Variants in UTRN observed in about 807,000 individuals in gnomAD.
The protein encoded by UTRN is dystrophin-related protein 1.
Under a neutral mutation model 463.9 loss-of-function variants are expected in UTRN, and 283 were observed. The ratio of observed to expected loss-of-function variants is 0.61; its 90% confidence interval spans 0.55 to 0.67. The LOEUF is 0.67. UTRN is among the 30% of genes least tolerant of loss of function. The pLI is 0.00. For missense variants in UTRN, 3,922 were observed against 4,084.3 expected, an observed-to-expected ratio of 0.96 and a Z score of 1.08; for synonymous variants, 1,442 against 1,431.5, an observed-to-expected ratio of 1.01 and a Z score of -0.17.
intron 27 of UTRN, among the ~76,000 whole-genome samples, chr6:144,485,000 C>T (rs746147596): frequency 9.9e-5 from 15 of 151,938 alleles, no homozygotes; most frequent in African/African-American, 2.2e-4. Flanking sequence ...CCGCAACCTC[C>T]GCCTCCCGGG....
chr6:144,692,896 C>T (rs986207501), intron 52 of UTRN, among the ~76,000 whole-genome samples: 1 of 151,932 alleles, frequency 6.6e-6, no homozygotes, highest in African/African-American at 2.4e-5. Flanking sequence ...TTAATTAGAT[C>T]CCATTTATCA....
At chr6:144,413,680 C>T (rs1013476648) in intron 3 of UTRN, among the ~76,000 whole-genome samples, 6 of 152,170 alleles carry the variant, frequency 3.9e-5, no homozygotes, top group African/African-American at 1.4e-4. Context: ...GTAAACAAAC[C>T]TACTGTGCTT....
chr6:144,671,378 G>T (rs1010386044), intron 51 of UTRN, among the ~76,000 whole-genome samples: 4 of 151,816 alleles, frequency 2.6e-5, no homozygotes, highest in Admixed American at 1.3e-4. Flanking sequence ...ATAATCCTAA[G>T]TATTTTATTT....
chr6:144,554,639 T>C, intron 48 of UTRN, 49 bp from the exon 49 acceptor site: 1 of 1,594,916 alleles, frequency 6.3e-7, no homozygotes, highest in Non-Finnish European at 8.6e-7. Flanking sequence ...TTCTTTCTCC[T>C]GAGGGTTACA....
At chr6:144,345,708 G>A (rs1050009455) in intron 2 of UTRN, among the ~76,000 whole-genome samples, 1 of 151,962 alleles carries the variant, frequency 6.6e-6, no homozygotes, top group African/African-American at 2.4e-5. Context: ...GCAGGCTTGT[G>A]GCCTTTCGAA....
chr6:144,409,545 T>C (rs1240867439), intron 3 of UTRN, among the ~76,000 whole-genome samples: 1 of 152,150 alleles, frequency 6.6e-6, no homozygotes, highest in Non-Finnish European at 1.5e-5. Flanking sequence ...AGAGATGGGC[T>C]CTGGTGGTGC....
At chr6:144,342,090 T>C (rs2114631961) in intron 2 of UTRN, among the ~76,000 whole-genome samples, 1 of 152,356 alleles carries the variant, frequency 6.6e-6, no homozygotes, top group East Asian at 1.9e-4. Flanking sequence ...GGATAAAAGA[T>C]GGGTTTCGAT....
intron 27 of UTRN, among the ~76,000 whole-genome samples, chr6:144,483,638 G>C (rs539356624): frequency 5.9e-5 from 9 of 152,048 alleles, no homozygotes; most frequent in Admixed American, 2.0e-4. Context: ...TGTAGAGATG[G>C]GGGTCTTGCT....
At chr6:144,472,091 A>G (rs1790715173) in intron 23 of UTRN, among the ~76,000 whole-genome samples, 1 of 152,212 alleles carries the variant, frequency 6.6e-6, no homozygotes, top group Non-Finnish European at 1.5e-5. Flanking sequence ...TACCAGAAAA[A>G]TGGAGATGGA....
At chr6:144,494,213 C>T (rs955649118) in intron 33 of UTRN, among the ~76,000 whole-genome samples, 3 of 152,134 alleles carry the variant, frequency 2.0e-5, no homozygotes, top group African/African-American at 4.8e-5. Flanking sequence ...CTTAAGGTGG[C>T]GCATCTGGAG....
intron 2 of UTRN, among the ~76,000 whole-genome samples, chr6:144,373,092 T>G (rs747892711): frequency 1.4e-4 from 21 of 152,272 alleles, no homozygotes; most frequent in Middle Eastern, 3.4e-3. Flanking sequence ...TGTAGCAGTT[T>G]TGGAAAATAT....
At chr6:144,462,009 G>A (rs1242906198) in intron 22 of UTRN, among the ~76,000 whole-genome samples, 2 of 152,032 alleles carry the variant, frequency 1.3e-5, no homozygotes, top group East Asian at 1.9e-4. Context: ...GCTGCACTAC[G>A]TATTAAGCCC....
Position 144,499,417 on chromosome 6 carries a change from C to CCTGGG in UTRN, c.4757_4761dup (p.Lys1588GlyfsTer6), listed in dbSNP as rs1241538735. On this transcript the variant is annotated frameshift_variant, in exon 34 of 75. Coordinates refer to ENST00000367545, the MANE Select transcript of UTRN (RefSeq NM_007124.3). LOFTEE classifies it high-confidence loss of function. ...CTTGGTGACTTGGATACAGAAATTT[C>CCTGGG]CTGGGCTAAAGTAAGTTGCAGTTCA... The CCTGGG allele has an allele frequency of 6.2e-7, 1 of 1,606,138 alleles. No homozygotes were observed. Among genetic ancestry groups the CCTGGG allele is most frequent in the South Asian group, 1.1e-5 (1 of 90,240 alleles).
intron 39 of UTRN, among the ~76,000 whole-genome samples, chr6:144,521,141 C>T (rs1434044875): frequency 6.6e-6 from 1 of 152,080 alleles, no homozygotes; most frequent in African/African-American, 2.4e-5. Flanking sequence ...TAAAAGTTAG[C>T]TGGGCATGAT....
chr6:144,781,963 C>T lies in UTRN; in HGVS notation c.8674C>T (p.Gln2892Ter). The change falls in exon 61 of 75, where the codon CAG becomes TAG. Residue 2892 changes from glutamine to a stop codon, truncating the protein, a stop_gained. Transcript: ENST00000367545. LOFTEE classifies it high-confidence loss of function. ...ELSTTNEIFK[Q>*]HKLNQNDQLL... The stretch of plus-strand genomic sequence containing the variant: ...GAGTACAACAAATGAAATTTTCAAA[C>T]AGCACAAGTTGAACCAAAATGACCA... 1 of 1,613,968 alleles carries T rather than the reference C, an allele frequency of 6.2e-7. No individual in the cohort carries two copies. The highest frequency in any genetic ancestry group is 1.1e-5 in the South Asian group (1 of 91,068).
chr6:144,757,786 C>T, intron 57 of UTRN, 143 bp from the exon 58 acceptor site: 1 of 632,176 alleles, frequency 1.6e-6, no homozygotes. Context: ...TTGTTTGGCC[C>T]AGTGGATCTC....
chr6:144,700,585 T>C (rs1382229995), intron 53 of UTRN, among the ~76,000 whole-genome samples: 6 of 152,142 alleles, frequency 3.9e-5, no homozygotes, highest in African/African-American at 1.4e-4. Context: ...GTTTGTTTGT[T>C]TTACCAAGTT....
At chr6:144,398,313 T>G (rs1419480859) in intron 2 of UTRN, 2 of 318,268 alleles carry the variant, frequency 6.3e-6, no homozygotes, top group East Asian at 1.9e-4. Context: ...GGCTTCCTTG[T>G]CCTCAATAGA....
At chr6:144,412,684 A>C (rs540402595) in intron 3 of UTRN, among the ~76,000 whole-genome samples, 41 of 151,702 alleles carry the variant, frequency 2.7e-4, no homozygotes, top group African/African-American at 9.4e-4. Context: ...ATCTGAGGAG[A>C]GTGTGAATAT....
Sources: gnomAD v4.1 joint callset for allele counts (sites outside exome capture counted in the v4.1 genomes callset) on GRCh38, gnomAD v4.1.1 for gene constraint, MANE v1.5 for transcripts, NCBI Gene and HGNC (gene_info 2026-07-23, HGNC 2026-07-21) for gene names.